SEMA4D: variants seen among roughly 807,000 people sequenced by gnomAD.
The protein encoded by SEMA4D is semaphorin-4D.
A neutral mutation model predicts 74.8 loss-of-function variants in SEMA4D; 22 were observed. That is an observed-to-expected ratio of 0.29 (90% CI 0.21 to 0.42). SEMA4D has a LOEUF of 0.42. SEMA4D is among the 10% of genes least tolerant of loss of function. SEMA4D has a pLI of 1.00. For synonymous variants in SEMA4D, 445 were observed against 463.7 expected (o/e 0.96, Z 0.52); for missense variants, 937 against 1,118.4 (o/e 0.84, Z 2.31).
intron 18 of SEMA4D, among the ~76,000 whole-genome samples, chr9:89,363,267 T>TCC (rs67247190): frequency 0.029 from 4,426 of 151,652 alleles, 79 homozygotes; most frequent in Middle Eastern, 0.075. Flanking sequence ...ACGTGGGATT[T>TCC]CCCCCCCCAG....
downstream of SEMA4D, chr9:89,376,397 AATCCT>A (rs1835792903): frequency 6.6e-6 from 1 of 152,450 alleles, no homozygotes; most frequent in African/African-American, 2.4e-5. Context: ...AGGGAGAAGC[AATCCT>A]ATATACCACA....
At position 89,405,867 on chromosome 9, in the gene SEMA4D, G is replaced by A. The variant is rs73484071; in HGVS notation, c.-243-168C>T. 122 of 1,240,966 alleles carry A rather than the reference G, an allele frequency of 9.8e-5. No individual in the cohort carries two copies. The African/African-American group carries it at 1.5e-3, about 15-fold the overall frequency. The allele number at this position is 1,240,966 out of a possible 1,614,324, so 76.9% of individuals were successfully genotyped here. On this transcript the variant is annotated intron_variant, in intron 2 of 15. Transcript: ENST00000422704. ...AGTCTTAGAAGTGGACAGCCCAACG[G>A]ACACAGGAAAGCGAAGCCAGGGTCT...
chr9:89,452,942 G>A (rs1239027535), intron 2 of SEMA4D, among the ~76,000 whole-genome samples: 1 of 152,196 alleles, frequency 6.6e-6, no homozygotes, highest in Non-Finnish European at 1.5e-5. Context: ...GGGATCTTGG[G>A]TGTTTTCCAG....
intron 13 of SEMA4D, chr9:89,384,528 G>T: frequency 2.5e-6 from 1 of 403,594 alleles, no homozygotes; most frequent in Non-Finnish European, 3.4e-6. Flanking sequence ...GCTTCTGTTT[G>T]GGAAGATGAA....
intron 2 of SEMA4D, among the ~76,000 whole-genome samples, chr9:89,447,521 C>T (rs1853216085): frequency 6.6e-6 from 1 of 152,110 alleles, no homozygotes; most frequent in Non-Finnish European, 1.5e-5. Flanking sequence ...CATGACCCAC[C>T]CCAGATCCAA....
intron 3 of SEMA4D, among the ~76,000 whole-genome samples, chr9:89,403,727 T>G (rs371510614): frequency 6.6e-6 from 1 of 152,236 alleles, no homozygotes; most frequent in African/African-American, 2.4e-5. Flanking sequence ...TTTGAGCATT[T>G]TGACCTTGGC....
Position 89,492,977 on chromosome 9 carries a change from A to G in SEMA4D, c.-310+4942T>C, listed in dbSNP as rs1588207823. Among the ~76,000 whole-genome samples the G allele has an allele frequency of 6.6e-6, 1 of 151,860 alleles. No individual in the cohort carries two copies. Among genetic ancestry groups the G allele is most frequent in the East Asian group, 1.9e-4 (1 of 5,180 alleles). ...TAAGCGGCTGGACCTAGAACTATCTATCTCCCCTCTCATTAGCCTCCCATC... is the reference window on the plus strand; with the variant it reads ...TAAGCGGCTGGACCTAGAACTATCTGTCTCCCCTCTCATTAGCCTCCCATC... On this transcript the variant is annotated intron_variant, in intron 1 of 15. Transcript: ENST00000422704. The surrounding 1 kb of genome is among the most constrained non-coding windows in gnomAD (Gnocchi z 4.3).
chr9:89,371,024 CTG>C (rs1834554678), intron 16 of SEMA4D, among the ~76,000 whole-genome samples: 1 of 55,418 alleles, frequency 1.8e-5, no homozygotes, highest in Non-Finnish European at 3.2e-5. Flanking sequence ...TGTGTGGTAT[CTG>C]GGGTGGGGTG....
At chr9:89,473,129 C>G (rs1027301796) in intron 1 of SEMA4D, among the ~76,000 whole-genome samples, 1 of 152,122 alleles carries the variant, frequency 6.6e-6, no homozygotes, top group Non-Finnish European at 1.5e-5. Context: ...TTCAACTTAT[C>G]TTAAGATACT....
At chr9:89,376,245 A>C (rs1259551238), downstream of SEMA4D, 2 of 152,262 alleles carry the variant, frequency 1.3e-5, no homozygotes, top group African/African-American at 2.4e-5. Flanking sequence ...GCAGAAATAG[A>C]AGCACTCTGG....
intron 18 of SEMA4D, chr9:89,362,505 T>A (rs923095084): frequency 6.2e-7 from 1 of 1,613,140 alleles, no homozygotes; most frequent in African/African-American, 1.3e-5. Context: ...GTCTGTCTCA[T>A]AGCCCATCCC....
At chr9:89,373,034 T>A (rs766677089), downstream of SEMA4D, among the ~76,000 whole-genome samples, 16 of 152,082 alleles carry the variant, frequency 1.1e-4, no homozygotes, top group South Asian at 2.1e-4. Context: ...CCCCAGCTCC[T>A]GACACAGGCC....
intron 2 of SEMA4D, among the ~76,000 whole-genome samples, chr9:89,452,277 C>T (rs1422928544): frequency 2.0e-5 from 3 of 149,658 alleles, no homozygotes; most frequent in Non-Finnish European, 4.4e-5. Flanking sequence ...CTCCCAGGTT[C>T]ACGCCATTCT....
intron 1 of SEMA4D, among the ~76,000 whole-genome samples, chr9:89,479,064 A>G (rs1359395456): frequency 6.6e-6 from 1 of 152,120 alleles, no homozygotes; most frequent in Non-Finnish European, 1.5e-5. Flanking sequence ...GGGACTGAAT[A>G]CCAGGGCTGC....
At chr9:89,465,381 T>A (rs1858414715) in intron 1 of SEMA4D, among the ~76,000 whole-genome samples, 1 of 152,060 alleles carries the variant, frequency 6.6e-6, no homozygotes, top group African/African-American at 2.4e-5. Context: ...TATTAAATCA[T>A]CACTCACAAG....
At chr9:89,370,772 G>A (rs1263596870) in intron 16 of SEMA4D, among the ~76,000 whole-genome samples, 3 of 145,052 alleles carry the variant, frequency 2.1e-5, no homozygotes. Flanking sequence ...GGTGTGATGT[G>A]TGTGTGGGGT....
downstream of SEMA4D, among the ~76,000 whole-genome samples, chr9:89,375,007 C>T (rs1479280636): frequency 6.6e-6 from 1 of 152,186 alleles, no homozygotes; most frequent in East Asian, 1.9e-4. Context: ...GAGCCAAGAT[C>T]GTGCCACTGC....
chr9:89,449,276 C>T (rs960402548), intron 2 of SEMA4D, among the ~76,000 whole-genome samples: 6 of 152,324 alleles, frequency 3.9e-5, no homozygotes, highest in African/African-American at 1.2e-4. Flanking sequence ...AAGCCTGATA[C>T]GGTTGTTACA....
rs1023057309 is a variant in SEMA4D at position 89,397,750 on chromosome 9, T to C, written c.316-915A>G. ...TTAGAGACAAAGACTTCAGTGCAAG[T>C]GTTTAGCATTTTGCTAAGAAAGTTT... On this transcript the variant is annotated intron_variant, in intron 5 of 15. Transcript: ENST00000422704. Among the ~76,000 whole-genome samples, 140 of 152,220 alleles carry C rather than the reference T, an allele frequency of 9.2e-4. 1 individual carries two copies. Among genetic ancestry groups the C allele is most frequent in the African/African-American group, 3.0e-3 (124 of 41,468 alleles).
Sources: gnomAD v4.1 joint callset for allele counts (sites outside exome capture counted in the v4.1 genomes callset) on GRCh38, gnomAD v4.1.1 for gene constraint, Gnocchi (gnomAD v3.1) non-coding constraint, MANE v1.5 for transcripts, NCBI Gene and HGNC (gene_info 2026-07-23, HGNC 2026-07-21) for gene names.